Variants in LYZL2 observed in about 807,000 individuals in gnomAD.
LYZL2 encodes lysozyme-like protein 2.
In LYZL2, 13 loss-of-function variants were observed where a neutral mutation model predicts 17.1. That is an observed-to-expected ratio of 0.76 (90% CI 0.49 to 1.21). The LOEUF (loss-of-function observed/expected upper bound fraction) is 1.21. LYZL2 is among the 50% of genes most tolerant of loss of function. The pLI is 0.00. For synonymous variants in LYZL2, 63 were observed against 74.4 expected (o/e 0.85, Z 0.79); for missense variants, 166 against 189.2 (o/e 0.88, Z 0.72).
At chr10:30,619,774 A>G (rs1004736998) in intron 3 of LYZL2, among the ~76,000 whole-genome samples, 6 of 152,182 alleles carry the variant, frequency 3.9e-5, no homozygotes, top group African/African-American at 9.7e-5. Flanking sequence ...ACATGTATAC[A>G]TATGTAACAA....
chr10:30,621,980 T>C (rs1838628255), intron 3 of LYZL2, among the ~76,000 whole-genome samples: 1 of 151,884 alleles, frequency 6.6e-6, no homozygotes, highest in Non-Finnish European at 1.5e-5. Context: ...GCACAAAGGA[T>C]GGAATAGGAA....
chr10:30,611,574 A>AAG (rs1268623996), downstream of LYZL2, among the ~76,000 whole-genome samples: 2,308 of 61,192 alleles, frequency 0.038, 17 homozygotes, highest in Middle Eastern at 0.074. Flanking sequence ...AAGGAAGGAA[A>AAG]GAAAGAAAGA....
At chr10:30,617,287 G>A (rs1047692952) in intron 3 of LYZL2, among the ~76,000 whole-genome samples, 7 of 152,180 alleles carry the variant, frequency 4.6e-5, no homozygotes, top group South Asian at 2.1e-4. Flanking sequence ...CAGACACCGC[G>A]TAAAGTTGTT....
intron 3 of LYZL2, among the ~76,000 whole-genome samples, chr10:30,620,141 C>T (rs187038001): frequency 3.9e-5 from 6 of 152,290 alleles, no homozygotes; most frequent in African/African-American, 1.4e-4. Context: ...GAGGCCACTG[C>T]TGTTTTTGTA....
At position 30,626,270 on chromosome 10, in the gene LYZL2, G is replaced by A. The variant is rs759095549; in HGVS notation, c.140-7C>T. ...TAATACGCCATGCAGATCCCTGGAGGGGGGAAAGCCAGAAACGCCAGCAAA... is the reference window on the plus strand; with the variant it reads ...TAATACGCCATGCAGATCCCTGGAGAGGGGAAAGCCAGAAACGCCAGCAAA... On this transcript the variant is annotated splice_polypyrimidine_tract_variant and splice_region_variant and intron_variant, in intron 2 of 4. Transcript: ENST00000647634. 5.0e-6 allele frequency: 8 copies of A among 1,612,636 alleles called. No individual in the cohort carries two copies. Among genetic ancestry groups the A allele is most frequent in the Non-Finnish European group, 6.8e-6 (8 of 1,179,374 alleles).
chr10:30,628,031 G>C (rs1051454369), intron 1 of LYZL2, among the ~76,000 whole-genome samples: 2 of 152,138 alleles, frequency 1.3e-5, no homozygotes, highest in African/African-American at 4.8e-5. Flanking sequence ...GTGGTGGCAT[G>C]TGTCTGTAGT....
chr10:30,628,784 G>C (rs1838760007), intron 1 of LYZL2, among the ~76,000 whole-genome samples: 2 of 152,178 alleles, frequency 1.3e-5, no homozygotes, highest in South Asian at 4.2e-4. Context: ...AGGGCTTTAA[G>C]GTGACTAAGC....
intron 3 of LYZL2, among the ~76,000 whole-genome samples, chr10:30,625,214 G>A (rs917979110): frequency 7.9e-5 from 12 of 152,174 alleles, no homozygotes; most frequent in Non-Finnish European, 1.6e-4. Flanking sequence ...CGGTGTTTAA[G>A]CCACAAGTTT....
intron 3 of LYZL2, among the ~76,000 whole-genome samples, chr10:30,621,833 A>C (rs1325937645): frequency 6.6e-6 from 1 of 152,200 alleles, no homozygotes; most frequent in Admixed American, 6.5e-5. Context: ...AGAGTATTGG[A>C]AATAATAATG....
intron 3 of LYZL2, among the ~76,000 whole-genome samples, chr10:30,617,679 A>AAAAAAAAAAAAAAAAAAAAAAAG (rs1838554252): frequency 9.3e-5 from 10 of 106,998 alleles, no homozygotes; most frequent in Non-Finnish European, 1.6e-4. Flanking sequence ...TGTCTCAAAA[A>AAAAAAAAAAAAAAAAAAAAAAAG]AAAAAAAAAA....
At chr10:30,618,194 G>A (rs924037471) in intron 3 of LYZL2, among the ~76,000 whole-genome samples, 2 of 152,110 alleles carry the variant, frequency 1.3e-5, no homozygotes, top group Non-Finnish European at 2.9e-5. Flanking sequence ...ACAAATGGAA[G>A]AACATTCCAT....
intron 3 of LYZL2, among the ~76,000 whole-genome samples, chr10:30,614,575 C>T (rs1319333845): frequency 2.6e-5 from 4 of 152,244 alleles, no homozygotes; most frequent in Non-Finnish European, 5.9e-5. Context: ...ATGACCACCA[C>T]AACCACCAAT....
At chr10:30,627,976 G>A (rs1480954898) in intron 1 of LYZL2, among the ~76,000 whole-genome samples, 2 of 152,162 alleles carry the variant, frequency 1.3e-5, no homozygotes, top group South Asian at 4.1e-4. Context: ...TGGCTAATGC[G>A]GTGAAACCCC....
At chr10:30,621,655 A>G (rs774692919) in intron 3 of LYZL2, among the ~76,000 whole-genome samples, 38 of 152,188 alleles carry the variant, frequency 2.5e-4, no homozygotes, top group Non-Finnish European at 1.5e-4. Flanking sequence ...ATGTAAAGAA[A>G]ATATTCCTCA....
intron 1 of LYZL2, among the ~76,000 whole-genome samples, chr10:30,628,675 A>G (rs954542433): frequency 6.6e-6 from 1 of 152,176 alleles, no homozygotes; most frequent in African/African-American, 2.4e-5. Flanking sequence ...TTCTCTAGTC[A>G]TTAGTTTCTC....
intron 3 of LYZL2, among the ~76,000 whole-genome samples, chr10:30,613,395 T>A (rs1326090551): frequency 6.6e-6 from 1 of 151,296 alleles, no homozygotes; most frequent in African/African-American, 2.4e-5. Context: ...TACTTGGGAG[T>A]CTGAGGTGGG....
At position 30,626,763 on chromosome 10, in the gene LYZL2, A is replaced by G. The variant is rs1394774021; in HGVS notation, c.139+14T>C. 3 of 1,614,252 alleles carry G rather than the reference A, an allele frequency of 1.9e-6. No homozygotes were observed. Among genetic ancestry groups the G allele is most frequent in the Non-Finnish European group, 2.5e-6 (3 of 1,180,042 alleles). On this transcript the variant is annotated intron_variant, in intron 2 of 4. Coordinates refer to ENST00000647634, the MANE Select transcript of LYZL2 (RefSeq NM_183058.3). ...GTCAAGGACAGAAAGAGAGCAGGAA[A>G]GAAATAATCTCACAGTTTCCAAGGC...
chr10:30,608,824 C>A (rs1053477272), downstream of LYZL2, among the ~76,000 whole-genome samples: 2 of 152,064 alleles, frequency 1.3e-5, no homozygotes, highest in African/African-American at 4.8e-5. Context: ...CACAAAAAAA[C>A]CCATCAAATT....
At chr10:30,612,117 C>T (rs888025914) in intron 4 of LYZL2, 93 bp from the exon 5 acceptor site, 2 of 1,460,818 alleles carry the variant, frequency 1.4e-6, no homozygotes, top group African/African-American at 1.4e-5. Flanking sequence ...CCAAAATCGC[C>T]AGCGGAACCC....
Sources: allele counts gnomAD v4.1 joint callset (sites outside exome capture counted in the v4.1 genomes callset), GRCh38; gene constraint gnomAD v4.1.1; transcripts MANE v1.5; gene names NCBI Gene and HGNC (gene_info 2026-07-23, HGNC 2026-07-21).